The following DVL2 variants were observed in gnomAD, a reference collection of about 807,000 sequenced individuals.
DVL2 encodes dishevelled segment polarity protein 2.
A neutral mutation model predicts 69.8 loss-of-function variants in DVL2; 38 were observed. That is an observed-to-expected ratio of 0.54 (90% CI 0.42 to 0.71). The LOEUF is 0.71. Among genes scored for constraint, DVL2 ranks in the 30% least tolerant of loss-of-function variants. The probability of loss-of-function intolerance (pLI) is 0.00; values close to 1 mark genes in which losing one functional copy is unlikely to be tolerated. For missense variants in DVL2, 931 were observed against 1,008.1 expected (o/e 0.92, Z 1.04); for synonymous variants, 428 against 392.4 (o/e 1.09, Z -1.07).
chr17:7,230,005 G>A (rs757699342), intron 4 of DVL2, 41 bp downstream of exon 4: 2 of 1,611,570 alleles, frequency 1.2e-6, no homozygotes, highest in African/African-American at 2.7e-5. Flanking sequence ...CAAGGCTGGG[G>A]TCTGGCCCAG....
intron 1 of DVL2, among the ~76,000 whole-genome samples, chr17:7,233,077 G>C (rs1284240736): frequency 1.1e-4 from 6 of 54,142 alleles, no homozygotes; most frequent in Admixed American, 1.0e-3. Flanking sequence ...GCGACAGAGC[G>C]AGACTGTCTC....
At chr17:7,231,650 G>A (rs2071544975) in intron 1 of DVL2, among the ~76,000 whole-genome samples, 1 of 151,542 alleles carries the variant, frequency 6.6e-6, no homozygotes, top group Non-Finnish European at 1.5e-5. Context: ...ATTACCTGAG[G>A]TCAGGAGTTC....
Position 7,230,381 on chromosome 17 carries a change from T to G in DVL2, c.314A>C (p.Glu105Ala), listed in dbSNP as rs780515259. The change falls in exon 3 of 15, where the codon GAG becomes GCG. Residue 105 changes from glutamate (E) to alanine (A), a missense_variant. Transcript: ENST00000005340. Reference protein sequence around the residue: ...PQPEMAPPVHEPRAELAPPAP... With the variant: ...PQPEMAPPVHAPRAELAPPAP... ...TGGAGGCGCCAGTTCTGCCCGAGGCTCATGGACTGGAGGGGCCATCTCGGG... is the reference window on the plus strand; with the variant it reads ...TGGAGGCGCCAGTTCTGCCCGAGGCGCATGGACTGGAGGGGCCATCTCGGG... 2.0e-5 allele frequency: 32 copies of G among 1,613,998 alleles called. No homozygotes were observed. The Admixed American group carries it at 5.2e-4, about 26-fold the overall frequency.
Position 7,229,147 on chromosome 17 carries a change from G to A in DVL2, c.945C>T (p.Asp315=). The change falls in exon 8 of 15, where the codon GAC becomes GAT. Residue 315 remains aspartate, a synonymous_variant. Transcript: ENST00000005340. This position sits in a 1 kb window ranked among gnomAD's most constrained non-coding sequence, Gnocchi z 4.4. ...VAADGRIEPG[D]MLLQVNDMNF... The stretch of plus-strand genomic sequence containing the variant: ...TACCCCAGCACACCTGCAAAAGCAT[G>A]TCCCCTGGCTCAATGCGCCCGTCGG... 3.7e-6 allele frequency: 6 copies of A among 1,614,078 alleles called. No homozygotes were observed. Among genetic ancestry groups the A allele is most frequent in the Non-Finnish European group, 5.1e-6 (6 of 1,179,934 alleles).
intron 2 of DVL2, 58 bp downstream of exon 2, chr17:7,230,670 G>T: frequency 1.3e-6 from 2 of 1,535,240 alleles, no homozygotes; most frequent in Non-Finnish European, 1.8e-6. Flanking sequence ...ACAGACTGAG[G>T]CTTGAGGGAG....
intron 1 of DVL2, among the ~76,000 whole-genome samples, chr17:7,232,208 T>C (rs1207532479): frequency 6.6e-6 from 1 of 152,218 alleles, no homozygotes; most frequent in Non-Finnish European, 1.5e-5. Flanking sequence ...AATAAACGTA[T>C]AAAGCATCAG....
intron 13 of DVL2, 82 bp downstream of exon 13, chr17:7,227,008 G>A (rs2142992162): frequency 1.4e-6 from 2 of 1,420,800 alleles, no homozygotes; most frequent in South Asian, 1.3e-5. Flanking sequence ...CCTGGCTGCG[G>A]TTTCTGGGCT....
Position 7,226,127 on chromosome 17 carries a change from C to A in DVL2, c.1949G>T (p.Gly650Val). 1 of 1,602,670 alleles carries A rather than the reference C, an allele frequency of 6.2e-7. No homozygotes were observed. Among genetic ancestry groups the A allele is most frequent in the Middle Eastern group, 1.7e-4 (1 of 6,000 alleles). Residue 650 changes from glycine to valine, a missense_variant, in exon 15 of 15, where the codon GGC (glycine) becomes GTC (valine). Coordinates refer to ENST00000005340, the MANE Select transcript of DVL2 (RefSeq NM_004422.3). Reference protein sequence around the residue: ...TSDGGPPPSRGSTGGAPNLRA... With the variant: ...TSDGGPPPSRVSTGGAPNLRA... ...GAGATTAGGGGCACCCCCAGTTGAG[C>A]CTCTGGATGGAGGAGGGCCCCCATC...
chr17:7,230,204 C>T lies in DVL2; in HGVS notation c.411-49G>A, dbSNP rs201754079. ...AACCCACATCAGGAGAACAGGGCTCCGGATCCTAGGCGTCCCCTACCAAAG... is the reference window on the plus strand; with the variant it reads ...AACCCACATCAGGAGAACAGGGCTCTGGATCCTAGGCGTCCCCTACCAAAG... On this transcript the variant is annotated intron_variant, in intron 3 of 14. Coordinates refer to ENST00000005340, the MANE Select transcript of DVL2 (RefSeq NM_004422.3). 1.3e-3 allele frequency: 2,097 copies of T among 1,610,542 alleles called. 11 individuals are homozygous for T. Among genetic ancestry groups the T allele is most frequent in the Admixed American group, 9.9e-4 (59 of 59,864 alleles).
At chr17:7,228,869 A>G in intron 9 of DVL2, 100 bp downstream of exon 9, 1 of 1,269,292 alleles carries the variant, frequency 7.9e-7, no homozygotes. Flanking sequence ...GGCTCGAGCC[A>G]CCACGCCCGG....
chr17:7,229,351 C>A lies in DVL2; in HGVS notation c.817+27G>T, dbSNP rs761236304. 6.2e-7 allele frequency: 1 copy of A among 1,613,720 alleles called. No individual in the cohort carries two copies. The highest frequency in any genetic ancestry group is 1.3e-5 in the African/African-American group (1 of 75,050). ...AACCCTAGAGACCAGGCCCTCCCCA[C>A]GCCCTAGCCACAGGCTCTCCCCATA... On this transcript the variant is annotated intron_variant, in intron 7 of 14. Transcript: ENST00000005340. The surrounding 1 kb of genome is among the most constrained non-coding windows in gnomAD (Gnocchi z 4.4).
Position 7,229,492 on chromosome 17 carries a change from T to A in DVL2, c.748-45A>T. 1 of 1,613,486 alleles carries A rather than the reference T, an allele frequency of 6.2e-7. No individual in the cohort carries two copies. Among genetic ancestry groups the A allele is most frequent in the Non-Finnish European group, 8.5e-7 (1 of 1,179,558 alleles). On this transcript the variant is annotated intron_variant, in intron 6 of 14. Transcript: ENST00000005340. The surrounding 1 kb of genome is among the most constrained non-coding windows in gnomAD (Gnocchi z 4.4). ...CAGAGTGCCCTTCAATAACCCAGGG[T>A]CAACCCTGGGGTGCTGCCGGTGTCC...
chr17:7,229,087 G>A lies in DVL2; in HGVS notation c.958-42C>T. ...GTGGGTCAGAGACACGGTGGGAGAG[G>A]CTGAGGGCCCCCGTGCAGGGCAGCT... On this transcript the variant is annotated intron_variant, in intron 8 of 14. Transcript: ENST00000005340. This position sits in a 1 kb window ranked among gnomAD's most constrained non-coding sequence, Gnocchi z 4.4. 1.9e-6 allele frequency: 3 copies of A among 1,614,096 alleles called. No homozygotes were observed. Among genetic ancestry groups the A allele is most frequent in the African/African-American group, 1.3e-5 (1 of 75,032 alleles).
Position 7,226,628 on chromosome 17 carries a change from G to C in DVL2, c.1555C>G (p.Leu519Val). 1.9e-6 allele frequency: 3 copies of C among 1,563,566 alleles called. No individual in the cohort carries two copies. The highest frequency in any genetic ancestry group is 1.7e-6 in the Non-Finnish European group (2 of 1,157,588). The part of the protein sequence containing the change: ...SGGCESYLVN[L>V]SLNDNDGSSG... Reference sequence around the variant, plus strand: ...GAGCCATCGTTGTCATTGAGAGACAGGTTGACTAGGTCTGGAAAGCAAGGG... The same window carrying C: ...GAGCCATCGTTGTCATTGAGAGACACGTTGACTAGGTCTGGAAAGCAAGGG... The change falls in exon 14 of 15, where the codon CTG becomes GTG. Residue 519 changes from leucine (L) to valine (V), a missense_variant. Transcript: ENST00000005340.
intron 2 of DVL2, 135 bp downstream of exon 2, chr17:7,230,593 G>A (rs900989604): frequency 1.7e-5 from 22 of 1,321,738 alleles, no homozygotes; most frequent in East Asian, 2.3e-5. Flanking sequence ...GCCTCTCGCC[G>A]GCTCTCCAAA....
chr17:7,226,328 G>A lies in DVL2; in HGVS notation c.1763-15C>T. ...GCTCCGGCTGCCTGTGGAGGGAGGGGAGGGGCAACTGAGTCCTCACCCAGG... is the reference window on the plus strand; with the variant it reads ...GCTCCGGCTGCCTGTGGAGGGAGGGAAGGGGCAACTGAGTCCTCACCCAGG... On this transcript the variant is annotated splice_polypyrimidine_tract_variant and intron_variant, in intron 14 of 14. Transcript: ENST00000005340. 2 of 1,550,588 alleles carry A rather than the reference G, an allele frequency of 1.3e-6. No homozygotes were observed. Among genetic ancestry groups the A allele is most frequent in the Non-Finnish European group, 8.7e-7 (1 of 1,152,574 alleles).
In DVL2 at chr17:7,230,444, A is replaced by T. The variant is rs2142993317; in HGVS notation, c.265-14T>A. On this transcript the variant is annotated splice_polypyrimidine_tract_variant and intron_variant, in intron 2 of 14. Coordinates refer to ENST00000005340, the MANE Select transcript of DVL2 (RefSeq NM_004422.3). ...TGAGGACACCAGCTAGAAGGGTGCA[A>T]ATGATAAACAGTGGCTCACTTGGGA... 1 of 1,612,758 alleles carries T rather than the reference A, an allele frequency of 6.2e-7. No individual in the cohort carries two copies. Among genetic ancestry groups the T allele is most frequent in the East Asian group, 2.2e-5 (1 of 44,834 alleles).
chr17:7,234,035 GC>G (rs2071593724), intron 1 of DVL2, 33 bp downstream of exon 1: 3 of 1,609,002 alleles, frequency 1.9e-6, no homozygotes, highest in Non-Finnish European at 1.7e-6. Flanking sequence ...CTCTAGCAAA[GC>G]CCCCGCCGGT....
Position 7,227,957 on chromosome 17 carries a change from C to T in DVL2, c.1102+20G>A, listed in dbSNP as rs1185575236. On this transcript the variant is annotated intron_variant, in intron 10 of 14. Coordinates refer to ENST00000005340, the MANE Select transcript of DVL2 (RefSeq NM_004422.3). ...CAGCCCCCACCCCCAACTTCAGGCC[C>T]CTCCCTGAGTGTCACTCACTTCGGG... The T allele has an allele frequency of 3.8e-6, 6 of 1,575,844 alleles. No individual in the cohort carries two copies. Among genetic ancestry groups the T allele is most frequent in the East Asian group, 2.2e-5 (1 of 44,606 alleles).
Sources: gnomAD v4.1 joint callset for allele counts (sites outside exome capture counted in the v4.1 genomes callset) on GRCh38, gnomAD v4.1.1 for gene constraint, Gnocchi (gnomAD v3.1) non-coding constraint, MANE v1.5 for transcripts, NCBI Gene and HGNC (gene_info 2026-07-23, HGNC 2026-07-21) for gene names.